Variants in SMPD3 observed in about 807,000 individuals in gnomAD.
SMPD3 encodes the protein sphingomyelin phosphodiesterase 3.
A neutral mutation model predicts 55.7 loss-of-function variants in SMPD3; 21 were observed. The ratio of observed to expected loss-of-function variants is 0.38; its 90% confidence interval spans 0.27 to 0.54. The LOEUF is 0.54. SMPD3 is among the 20% of genes least tolerant of loss of function. SMPD3 has a pLI of 0.80. For synonymous variants in SMPD3, 457 were observed against 404.3 expected, an observed-to-expected ratio of 1.13 and a Z score of -1.56; for missense variants, 842 against 899.6, an observed-to-expected ratio of 0.94 and a Z score of 0.82.
chr16:68,396,243 T>C (rs547429346), intron 1 of SMPD3, among the ~76,000 whole-genome samples: 1 of 152,278 alleles, frequency 6.6e-6, no homozygotes, highest in African/African-American at 2.4e-5. Flanking sequence ...CAGCAGCAGC[T>C]CTGAGCTCAT....
intron 1 of SMPD3, among the ~76,000 whole-genome samples, chr16:68,394,000 A>G (rs2090134407): frequency 6.6e-6 from 1 of 152,232 alleles, no homozygotes; most frequent in African/African-American, 2.4e-5. Context: ...TTTCAGAAGA[A>G]CATATCTCCC....
intron 1 of SMPD3, among the ~76,000 whole-genome samples, chr16:68,410,467 T>C (rs2090290131): frequency 6.6e-6 from 1 of 152,102 alleles, no homozygotes; most frequent in Non-Finnish European, 1.5e-5. Flanking sequence ...CTCAGGCTAT[T>C]TGGGCAGTGG....
At chr16:68,409,290 TG>T (rs2090278821) in intron 1 of SMPD3, among the ~76,000 whole-genome samples, 1 of 151,960 alleles carries the variant, frequency 6.6e-6, no homozygotes, top group African/African-American at 2.4e-5. Flanking sequence ...GTGAGGGATG[TG>T]GGGAGGGGGT....
chr16:68,429,901 GC>G (rs1391858811), intron 1 of SMPD3, among the ~76,000 whole-genome samples: 2 of 152,110 alleles, frequency 1.3e-5, no homozygotes, highest in Non-Finnish European at 2.9e-5. Flanking sequence ...GACCAGTTCT[GC>G]TATTTACCTC....
At chr16:68,368,473 C>G (rs2089552000) in intron 3 of SMPD3, 1 of 153,488 alleles carries the variant, frequency 6.5e-6, no homozygotes, top group South Asian at 2.0e-4. Context: ...AGGAGGGGGC[C>G]TGGGCCAAGG....
intron 1 of SMPD3, among the ~76,000 whole-genome samples, chr16:68,399,147 T>C (rs955645732): frequency 1.3e-5 from 2 of 152,206 alleles, no homozygotes; most frequent in East Asian, 1.9e-4. Flanking sequence ...CAGACTCTCA[T>C]TCAAATGCTG....
chr16:68,361,556 C>T (rs762150931), intron 8 of SMPD3, 47 bp downstream of exon 8: 4 of 1,597,328 alleles, frequency 2.5e-6, no homozygotes, highest in Admixed American at 1.7e-5. Context: ...GGCCCGGGCC[C>T]TGCTCTCTCT....
chr16:68,429,122 C>T (rs2090460175), intron 1 of SMPD3, among the ~76,000 whole-genome samples: 1 of 152,218 alleles, frequency 6.6e-6, no homozygotes, highest in Non-Finnish European at 1.5e-5. Flanking sequence ...CCCAGCCTAC[C>T]AGGTACCCTG....
chr16:68,404,449 G>A lies in SMPD3; in HGVS notation c.-268-17790C>T, dbSNP rs923200124. Among the ~76,000 whole-genome samples the A allele has an allele frequency of 6.6e-6, 1 of 152,046 alleles. No homozygotes were observed. Among genetic ancestry groups the A allele is most frequent in the African/African-American group, 2.4e-5 (1 of 41,394 alleles). On this transcript the variant is annotated intron_variant, in intron 1 of 8. Coordinates refer to ENST00000219334, the MANE Select transcript of SMPD3 (RefSeq NM_018667.4). This position sits in a 1 kb window ranked among gnomAD's most constrained non-coding sequence, Gnocchi z 4.0. ...CTGAACTCCTGGGCTCAAGGGATTC[G>A]CTTGCCTTGGCCTCCCAGGCATGAG...
chr16:68,382,590 G>C (rs914059432), intron 2 of SMPD3, among the ~76,000 whole-genome samples: 1 of 152,210 alleles, frequency 6.6e-6, no homozygotes, highest in Non-Finnish European at 1.5e-5. Context: ...GGAGCAAGCC[G>C]TGAGCAAGGG....
chr16:68,405,284 C>T (rs945298028), intron 1 of SMPD3, among the ~76,000 whole-genome samples: 27 of 152,224 alleles, frequency 1.8e-4, no homozygotes, highest in African/African-American at 6.3e-4. Context: ...GACGTGGTTG[C>T]TCACACCTGT....
chr16:68,394,222 T>C (rs1018060128), intron 1 of SMPD3, among the ~76,000 whole-genome samples: 10 of 152,206 alleles, frequency 6.6e-5, no homozygotes, highest in African/African-American at 2.4e-4. Context: ...CTTCTAGGCC[T>C]ACTTTAGGGC....
At chr16:68,422,428 C>G (rs886428754) in intron 1 of SMPD3, among the ~76,000 whole-genome samples, 1 of 152,026 alleles carries the variant, frequency 6.6e-6, no homozygotes, top group African/African-American at 2.4e-5. Context: ...ACAAGATAGA[C>G]GTATAAGGCC....
At position 68,395,579 on chromosome 16, in the gene SMPD3, C is replaced by T. The variant is rs141517074; in HGVS notation, c.-268-8920G>A. ...AAGCCATTGAGCAATGAGCCTGAGA[C>T]GGGGCAGGTGAGCTCAGGCCTGTGG... On this transcript the variant is annotated intron_variant, in intron 1 of 8. Transcript: ENST00000219334. 3.0e-4 allele frequency among the ~76,000 whole-genome samples: 46 copies of T among 152,308 alleles called. No homozygotes were observed. The Middle Eastern group carries it at 0.01, about 34-fold the overall frequency.
intron 1 of SMPD3, among the ~76,000 whole-genome samples, chr16:68,409,374 G>A (rs1312313302): frequency 1.3e-5 from 2 of 152,116 alleles, no homozygotes; most frequent in Non-Finnish European, 2.9e-5. Flanking sequence ...AGTCTTACAC[G>A]CCTGACTCGG....
intron 1 of SMPD3, among the ~76,000 whole-genome samples, chr16:68,421,287 A>G (rs2090391511): frequency 6.6e-6 from 1 of 152,162 alleles, no homozygotes. Flanking sequence ...CACATCTGCC[A>G]CCTGCTTTCT....
intron 1 of SMPD3, among the ~76,000 whole-genome samples, chr16:68,417,783 T>C (rs1450823582): frequency 1.3e-5 from 2 of 152,218 alleles, no homozygotes; most frequent in South Asian, 4.1e-4. Context: ...CCGTCTGAGC[T>C]GCCTCAAACC....
At position 68,365,013 on chromosome 16, in the gene SMPD3, C is replaced by T; in HGVS notation, c.1399+4G>A. The T allele has an allele frequency of 6.2e-7, 1 of 1,614,130 alleles. No individual in the cohort carries two copies. On this transcript the variant is annotated splice_donor_region_variant and intron_variant, in intron 4 of 8. Coordinates refer to ENST00000219334, the MANE Select transcript of SMPD3 (RefSeq NM_018667.4). ...GAAAAAACACAGGTGGGCGGCAACC[C>T]TACCTTGCGGGGCATGCAGGTGTGT...
At chr16:68,431,469 T>A (rs192641790) in intron 1 of SMPD3, among the ~76,000 whole-genome samples, 49 of 152,274 alleles carry the variant, frequency 3.2e-4, no homozygotes, top group Non-Finnish European at 4.6e-4. Context: ...TGCTGGCGAT[T>A]GTATCAGACC....
Sources: gnomAD v4.1 joint callset for allele counts (sites outside exome capture counted in the v4.1 genomes callset) on GRCh38, gnomAD v4.1.1 for gene constraint, Gnocchi (gnomAD v3.1) non-coding constraint, MANE v1.5 for transcripts, NCBI Gene and HGNC (gene_info 2026-07-23, HGNC 2026-07-21) for gene names.